RAB12: variants seen among roughly 807,000 people sequenced by gnomAD.
The protein encoded by RAB12 is RAB12, member RAS oncogene family, also known as ras-related protein Rab-12.
RAB12 carries 11 observed loss-of-function variants against 28.4 expected under a neutral mutation model. The ratio of observed to expected loss-of-function variants is 0.39; its 90% CI spans 0.24 to 0.64. RAB12 has a LOEUF of 0.64. Ranked by LOEUF, RAB12 falls within the 30% of genes least tolerant of loss-of-function variation. The probability of loss-of-function intolerance (pLI) is 0.50; values close to 1 mark genes in which losing one functional copy is unlikely to be tolerated. For missense variants in RAB12, 276 were observed against 351.1 expected (o/e 0.79, Z 1.71); for synonymous variants, 138 against 145.3 (o/e 0.95, Z 0.36).
At position 8,633,310 on chromosome 18, in the gene RAB12, A is replaced by C. The variant is rs375447583; in HGVS notation, c.697A>C (p.Met233Leu). ...KETFDDLPKW[M>L]KMIDKYASED... is the part of the protein sequence containing the mutation. ...GACATTTGATGATTTGCCGAAATGG[A>C]TGAAGATGATTGATAAGGTAAATGT... The change falls in exon 3 of 6, where the codon ATG becomes CTG. Residue 233 changes from methionine (M) to leucine (L), a missense_variant. Coordinates refer to ENST00000649141, the MANE Select transcript of RAB12 (RefSeq NM_001025300.3). The C allele has an allele frequency of 2.5e-6, 4 of 1,613,956 alleles. No individual in the cohort carries two copies. In the Admixed American group the frequency reaches 5.0e-5, roughly 20 times the overall value.
chr18:8,631,576 GC>G (rs2096016015), intron 2 of RAB12, among the ~76,000 whole-genome samples: 1 of 152,202 alleles, frequency 6.6e-6, no homozygotes, highest in South Asian at 2.1e-4. Context: ...AAAGCCCACT[GC>G]CCGGTTCCCA....
intron 1 of RAB12, among the ~76,000 whole-genome samples, chr18:8,623,448 G>A (rs1413013631): frequency 6.6e-6 from 1 of 152,214 alleles, no homozygotes; most frequent in Non-Finnish European, 1.5e-5. Context: ...TGGCAGCAGT[G>A]AAATCCTAAC....
At chr18:8,625,123 A>G (rs2096011958) in intron 2 of RAB12, 125 bp downstream of exon 2, 1 of 617,388 alleles carries the variant, frequency 1.6e-6, no homozygotes, top group African/African-American at 1.9e-5. Context: ...GCTCATTTTA[A>G]AATTAAATGG....
At chr18:8,611,794 T>C (rs2096003963) in intron 1 of RAB12, among the ~76,000 whole-genome samples, 1 of 152,220 alleles carries the variant, frequency 6.6e-6, no homozygotes, top group African/African-American at 2.4e-5. Flanking sequence ...TTAACAAACA[T>C]GCACTTACCC....
chr18:8,613,829 AAGTAGTAGTAGTAGT>A (rs3050584), intron 1 of RAB12, among the ~76,000 whole-genome samples: 19 of 148,762 alleles, frequency 1.3e-4, no homozygotes, highest in Admixed American at 4.0e-4. Context: ...CTATAAATAG[AAGTAGTAGTAGTAGT>A]AGTAGTAGTA....
At chr18:8,625,993 A>G (rs1356893625) in intron 2 of RAB12, among the ~76,000 whole-genome samples, 2 of 152,176 alleles carry the variant, frequency 1.3e-5, no homozygotes, top group Non-Finnish European at 2.9e-5. Flanking sequence ...GAGGTGTCTG[A>G]GGTAATATCT....
chr18:8,639,144 G>GTTTTTTTTTTTTTTTTTTTT lies in RAB12; in HGVS notation c.*884_*885insTTTTTTTTTTTTTTTTTTTT, dbSNP rs1598315808. Reference sequence around the variant, plus strand: ...CTTATTCTGATTAAGCCTAGACTGTGTTCTTTTTTTTTTTTTTTTTTTTTT... The same window carrying GTTTTTTTTTTTTTTTTTTTT: ...CTTATTCTGATTAAGCCTAGACTGTGTTTTTTTTTTTTTTTTTTTTTTCTTTTTTTTTTTTTTTTTTTTTT... On this transcript the variant is annotated 3_prime_UTR_variant, in exon 6 of 6. Coordinates refer to ENST00000649141, the MANE Select transcript of RAB12 (RefSeq NM_001025300.3). 2.4e-4 allele frequency: 4 copies of GTTTTTTTTTTTTTTTTTTTT among 16,556 alleles called. No individual in the cohort carries two copies. Among genetic ancestry groups the GTTTTTTTTTTTTTTTTTTTT allele is most frequent in the Non-Finnish European group, 3.9e-4 (3 of 7,624 alleles). The allele number at this position is 16,556 out of a possible 1,614,324, so 1.0% of individuals were successfully genotyped here.
intron 1 of RAB12, among the ~76,000 whole-genome samples, chr18:8,620,279 C>A (rs1357753405): frequency 5.3e-5 from 8 of 150,612 alleles, no homozygotes; most frequent in Non-Finnish European, 1.2e-4. Context: ...AGAAAGACTT[C>A]CACAAAACTG....
chr18:8,632,543 C>T (rs1003363590), intron 2 of RAB12, among the ~76,000 whole-genome samples: 4 of 152,046 alleles, frequency 2.6e-5, no homozygotes, highest in African/African-American at 9.7e-5. Context: ...AAGTGGTCAT[C>T]GTAAGCTGCC....
In RAB12 at chr18:8,636,300, G is replaced by T; in HGVS notation, c.852G>T (p.Lys284Asn). ...TGCGGTTCTGTGAAGCAAGTGCCAA[G>T]GATAACTTCAATGTGGACGAGATAT... ...TGMRFCEASA[K>N]DNFNVDEIFL... Residue 284 changes from lysine to asparagine, a missense_variant, in exon 5 of 6, where the codon AAG (lysine) becomes AAT (asparagine). Around this residue, in one of 4 missense-constraint regions of RAB12, gnomAD observed 127 missense variants for 161.4 expected, o/e 0.79. Coordinates refer to ENST00000649141, the MANE Select transcript of RAB12 (RefSeq NM_001025300.3). The T allele has an allele frequency of 6.2e-7, 1 of 1,613,588 alleles. No individual in the cohort carries two copies. The highest frequency in any genetic ancestry group is 8.5e-7 in the Non-Finnish European group (1 of 1,179,768).
At position 8,624,963 on chromosome 18, in the gene RAB12, A is replaced by G. The variant is rs2096011876; in HGVS notation, c.540A>G (p.Val180=). Residue 180 remains valine, a synonymous_variant, in exon 2 of 6, where the codon GTA becomes GTG. Coordinates refer to ENST00000649141, the MANE Select transcript of RAB12 (RefSeq NM_001025300.3). ...GTGTTGACTTCAAAATCAAAACTGT[A>G]GAGCTAAGAGGAAAGAAAATTAGAT... ...TVGVDFKIKT[V]ELRGKKIRLQ... is the part of the protein sequence containing the mutation. The G allele has an allele frequency of 1.2e-6, 2 of 1,604,560 alleles. No homozygotes were observed. The highest frequency in any genetic ancestry group is 1.1e-5 in the South Asian group (1 of 90,554).
Position 8,639,036 on chromosome 18 carries a change from A to G in RAB12, c.*774A>G, listed in dbSNP as rs2543567. On this transcript the variant is annotated 3_prime_UTR_variant, in exon 6 of 6. Transcript: ENST00000649141. The stretch of plus-strand genomic sequence containing the variant: ...AAGGAATTTTAAAGAGATGCATTTT[A>G]CTATATCAAAGAACATACGTGTATT... 1 of 151,974 alleles carries G rather than the reference A, an allele frequency of 6.6e-6. No homozygotes were observed. The highest frequency in any genetic ancestry group is 1.5e-5 in the Non-Finnish European group (1 of 68,016). The allele number at this position is 151,974 out of a possible 1,614,324, so 9.4% of individuals were successfully genotyped here.
chr18:8,620,971 G>T (rs1043515107), intron 1 of RAB12, among the ~76,000 whole-genome samples: 1 of 152,242 alleles, frequency 6.6e-6, no homozygotes, highest in African/African-American at 2.4e-5. Context: ...TTTGCCAAGT[G>T]CATGGTGTGT....
rs1318698959 is a variant in RAB12 at position 8,609,681 on chromosome 18, G to GGGCGGGCGGC, written c.255_264dup (p.Ala89ArgfsTer89). On this transcript the variant is annotated frameshift_variant, in exon 1 of 6. Coordinates refer to ENST00000649141, the MANE Select transcript of RAB12 (RefSeq NM_001025300.3). LOFTEE classifies it high-confidence loss of function. ...CCGGGGCCCGGGGCGCGCAGCCGGG[G>GGGCGGGCGGC]GGCGGGCGGCGGCGGGCGGCGGGCC... The GGGCGGGCGGC allele has an allele frequency of 4.3e-6, 4 of 927,766 alleles. No individual in the cohort carries two copies. Among genetic ancestry groups the GGGCGGGCGGC allele is most frequent in the East Asian group, 1.2e-4 (1 of 8,456 alleles). The allele number at this position is 927,766 out of a possible 1,614,324, so 57.5% of individuals were successfully genotyped here. A position where few individuals can be genotyped will look rare whatever the true frequency, so the allele number is the denominator to read the frequency against.
intron 1 of RAB12, among the ~76,000 whole-genome samples, chr18:8,621,103 T>C (rs2096009650): frequency 6.6e-6 from 1 of 152,138 alleles, no homozygotes; most frequent in African/African-American, 2.4e-5. Context: ...TTCAACAGGG[T>C]TGTAGACAGT....
chr18:8,635,689 A>G, intron 4 of RAB12, 67 bp downstream of exon 4: 10 of 925,864 alleles, frequency 1.1e-5, no homozygotes, highest in Non-Finnish European at 1.3e-5. Flanking sequence ...GTTTCTTTTA[A>G]TAAATTACTT....
chr18:8,632,777 A>G lies in RAB12; in HGVS notation c.576-412A>G, dbSNP rs2096016779. 3 of 227,414 alleles carry G rather than the reference A, an allele frequency of 1.3e-5. No individual in the cohort carries two copies. The East Asian group carries it at 4.9e-4, about 37-fold the overall frequency. The allele number at this position is 227,414 out of a possible 1,614,324, so 14.1% of individuals were successfully genotyped here. ...CAAATGGTTTTGTAAATCACCTACA[A>G]TGTGAATTCTTAGGGATTGATTGTT... On this transcript the variant is annotated intron_variant, in intron 2 of 5. Transcript: ENST00000649141.
Position 8,609,688 on chromosome 18 carries a change from C to G in RAB12, c.249C>G (p.Gly83=), listed in dbSNP as rs1211149056. The part of the protein sequence containing the change: ...PGPGARSRGA[G]GGGRRAEREP... ...CCGGGGCGCGCAGCCGGGGGGCGGG[C>G]GGCGGCGGGCGGCGGGCCGAGCGGG... The change falls in exon 1 of 6, where the codon GGC becomes GGG. Residue 83 remains glycine (G), a synonymous_variant. Transcript: ENST00000649141. 2 of 936,214 alleles carry G rather than the reference C, an allele frequency of 2.1e-6. No homozygotes were observed. Among genetic ancestry groups the G allele is most frequent in the Non-Finnish European group, 1.3e-6 (1 of 787,312 alleles). The allele number at this position is 936,214 out of a possible 1,614,324, so 58.0% of individuals were successfully genotyped here. A position where few individuals can be genotyped will look rare whatever the true frequency, so the allele number is the denominator to read the frequency against.
chr18:8,623,924 T>C (rs1328131060), intron 1 of RAB12, among the ~76,000 whole-genome samples: 1 of 152,236 alleles, frequency 6.6e-6, no homozygotes, highest in African/African-American at 2.4e-5. Flanking sequence ...TTACTAATTA[T>C]AAAAATCGGT....
Sources: allele counts gnomAD v4.1 joint callset (sites outside exome capture counted in the v4.1 genomes callset), GRCh38; gene constraint gnomAD v4.1.1; regional missense constraint gnomAD v4.1.1; transcripts MANE v1.5; gene names NCBI Gene and HGNC (gene_info 2026-07-23, HGNC 2026-07-21).